CMTM8: variants seen among roughly 807,000 people sequenced by gnomAD.
The protein encoded by CMTM8 is CKLF like MARVEL transmembrane domain containing 8.
CMTM8 carries 12 observed loss-of-function variants against 18.6 expected under a neutral mutation model. The ratio of observed to expected loss-of-function variants is 0.65; its 90% confidence interval spans 0.41 to 1.05. The LOEUF (loss-of-function observed/expected upper bound fraction) is 1.05. Among genes scored for constraint, CMTM8 ranks in the 50% least tolerant of loss-of-function variants. The pLI is 0.00. For missense variants in CMTM8, 217 were observed against 227.2 expected, an observed-to-expected ratio of 0.95 and a Z score of 0.29; for synonymous variants, 87 against 90.6, an observed-to-expected ratio of 0.96 and a Z score of 0.23.
At chr3:32,340,400 G>A (rs554592029) in intron 1 of CMTM8, among the ~76,000 whole-genome samples, 2 of 152,334 alleles carry the variant, frequency 1.3e-5, no homozygotes, top group African/African-American at 4.8e-5. Context: ...AGCAAATGTA[G>A]GGAGAGGTCA....
At chr3:32,252,141 G>A (rs1702119272) in intron 1 of CMTM8, among the ~76,000 whole-genome samples, 1 of 152,140 alleles carries the variant, frequency 6.6e-6, no homozygotes, top group African/African-American at 2.4e-5. Flanking sequence ...AAGTCTTTTT[G>A]TGTGTATAAT....
At position 32,291,411 on chromosome 3, in the gene CMTM8, A is replaced by C. The variant is rs975910325; in HGVS notation, c.147+52292A>C. Among the ~76,000 whole-genome samples the C allele has an allele frequency of 7.9e-5, 12 of 152,308 alleles. No individual in the cohort carries two copies. The East Asian group carries it at 2.3e-3, about 29-fold the overall frequency. ...CGCCTCGGCCTCCCAAAGTGCTGGG[A>C]TTACAGGCGTGAGCCACCGTGCCCA... On this transcript the variant is annotated intron_variant, in intron 1 of 3. Transcript: ENST00000307526.
intron 1 of CMTM8, among the ~76,000 whole-genome samples, chr3:32,290,296 T>C (rs1187570876): frequency 6.6e-6 from 1 of 152,196 alleles, no homozygotes; most frequent in Non-Finnish European, 1.5e-5. Flanking sequence ...TCTAAAACTT[T>C]ATATATTACC....
intron 1 of CMTM8, chr3:32,243,854 C>G (rs568896694): frequency 6.4e-6 from 1 of 156,152 alleles, no homozygotes; most frequent in African/African-American, 2.4e-5. Flanking sequence ...CAGTTATCTC[C>G]TTCTCTCATT....
chr3:32,242,759 G>A (rs568931215), intron 1 of CMTM8, among the ~76,000 whole-genome samples: 1 of 152,238 alleles, frequency 6.6e-6, no homozygotes, highest in South Asian at 2.1e-4. Flanking sequence ...TTCTCCCAGT[G>A]TACTGGGCAC....
intron 1 of CMTM8, among the ~76,000 whole-genome samples, chr3:32,327,113 TA>T (rs35018766): frequency 0.018 from 2,584 of 140,680 alleles, 39 homozygotes; most frequent in African/African-American, 0.049. Context: ...CTAGAAGAGT[TA>T]AAAAAAAAAA....
At chr3:32,313,492 A>C (rs1448960442) in intron 1 of CMTM8, among the ~76,000 whole-genome samples, 4 of 152,036 alleles carry the variant, frequency 2.6e-5, no homozygotes, top group Non-Finnish European at 4.4e-5. Flanking sequence ...TTTAATAGAG[A>C]AGGGGTTATG....
At chr3:32,333,516 G>A (rs1438331866) in intron 1 of CMTM8, among the ~76,000 whole-genome samples, 1 of 149,744 alleles carries the variant, frequency 6.7e-6, no homozygotes, top group Admixed American at 6.8e-5. Flanking sequence ...ACTGGGCAAT[G>A]TTTCATTTTT....
chr3:32,238,814 GC>G lies in CMTM8; in HGVS notation c.-157del. On this transcript the variant is annotated 5_prime_UTR_variant, in exon 1 of 4. Transcript: ENST00000307526. ...CGCGCACTAGAGGGACACCCGCCGC[GC>G]CTGGACAGCCCCCGGCGGGCGCCCC... The G allele has an allele frequency of 2.3e-6, 1 of 434,546 alleles. No individual in the cohort carries two copies. The highest frequency in any genetic ancestry group is 2.1e-5 in the African/African-American group (1 of 47,958). The allele number at this position is 434,546 out of a possible 1,614,324, so 26.9% of individuals were successfully genotyped here. A position where few individuals can be genotyped will look rare whatever the true frequency, so the allele number is the denominator to read the frequency against.
intron 1 of CMTM8, among the ~76,000 whole-genome samples, chr3:32,271,521 A>T (rs1285970957): frequency 6.6e-6 from 1 of 152,198 alleles, no homozygotes; most frequent in African/African-American, 2.4e-5. Context: ...TCCTTCTCTG[A>T]CTTGCTTCCT....
intron 1 of CMTM8, 121 bp from the exon 2 acceptor site, chr3:32,357,252 T>A: frequency 2.3e-6 from 2 of 867,666 alleles, no homozygotes; most frequent in Non-Finnish European, 3.6e-6. Context: ...CTCAAATAAA[T>A]AAATAAATAA....
chr3:32,341,832 G>A (rs1280102826), intron 1 of CMTM8, among the ~76,000 whole-genome samples: 1 of 152,022 alleles, frequency 6.6e-6, no homozygotes, highest in African/African-American at 2.4e-5. Context: ...AGCCAAGGTT[G>A]CCGCTGCACT....
intron 1 of CMTM8, among the ~76,000 whole-genome samples, chr3:32,356,676 G>A (rs771991438): frequency 6.6e-6 from 1 of 152,180 alleles, no homozygotes; most frequent in Non-Finnish European, 1.5e-5. Flanking sequence ...AGCAGGGAAT[G>A]CCCAGAGGTT....
At chr3:32,274,240 G>A (rs886479774) in intron 1 of CMTM8, among the ~76,000 whole-genome samples, 1 of 151,434 alleles carries the variant, frequency 6.6e-6, no homozygotes, top group Non-Finnish European at 1.5e-5. Context: ...AGCCCAGGAG[G>A]TTAAGGCTGC....
intron 1 of CMTM8, among the ~76,000 whole-genome samples, chr3:32,329,833 A>G (rs1696235976): frequency 6.6e-6 from 1 of 152,184 alleles, no homozygotes; most frequent in East Asian, 1.9e-4. Flanking sequence ...CAATGACATG[A>G]CCTAGTACGT....
At chr3:32,260,082 G>A (rs745988060) in intron 1 of CMTM8, 22 of 1,064,552 alleles carry the variant, frequency 2.1e-5, no homozygotes, top group Non-Finnish European at 3.0e-5. Context: ...AGCTACCATC[G>A]CCTGTTGGAA....
intron 1 of CMTM8, among the ~76,000 whole-genome samples, chr3:32,325,851 G>A (rs1696140495): frequency 6.6e-6 from 1 of 152,160 alleles, no homozygotes; most frequent in Non-Finnish European, 1.5e-5. Flanking sequence ...TAGTCACAAA[G>A]GAAGCCCAAA....
At chr3:32,317,991 G>T (rs1300736115) in intron 1 of CMTM8, among the ~76,000 whole-genome samples, 2 of 148,342 alleles carry the variant, frequency 1.3e-5, no homozygotes, top group Non-Finnish European at 3.0e-5. Flanking sequence ...GAAGACAGAG[G>T]TTGCAGTGAG....
chr3:32,309,424 C>T (rs1209477026), intron 1 of CMTM8, among the ~76,000 whole-genome samples: 1 of 150,322 alleles, frequency 6.7e-6, no homozygotes, highest in Non-Finnish European at 1.5e-5. Context: ...TCTCATGTCT[C>T]AGCCTCCTGA....
Sources: gnomAD v4.1 joint callset for allele counts (sites outside exome capture counted in the v4.1 genomes callset) on GRCh38, gnomAD v4.1.1 for gene constraint, MANE v1.5 for transcripts, NCBI Gene and HGNC (gene_info 2026-07-23, HGNC 2026-07-21) for gene names.